The following LRRC4C variants were observed in gnomAD, a reference collection of about 807,000 sequenced individuals.
LRRC4C encodes the protein leucine rich repeat containing 4C, also known as leucine-rich repeat-containing protein 4C.
LRRC4C carries 5 observed loss-of-function variants against 33.6 expected under a neutral mutation model. The ratio of observed to expected loss-of-function variants is 0.15; its 90% confidence interval spans 0.08 to 0.31. The LOEUF is 0.31. Among genes scored for constraint, LRRC4C ranks in the 10% least tolerant of loss-of-function variants. LRRC4C has a pLI of 1.00. For missense variants in LRRC4C, 560 were observed against 796.7 expected (o/e 0.70, Z 3.58); for synonymous variants, 329 against 302.0 (o/e 1.09, Z -0.93).
At chr11:40,200,180 TAAAAAAAAAA>T (rs56269292) in intron 5 of LRRC4C, among the ~76,000 whole-genome samples, 12 of 26,046 alleles carry the variant, frequency 4.6e-4, no homozygotes, top group Admixed American at 7.2e-4. Context: ...CTGTCTCCAC[TAAAAAAAAAA>T]AAAAAAAAAA....
chr11:41,274,194 G>A (rs1428671301), intron 1 of LRRC4C, among the ~76,000 whole-genome samples: 1 of 152,114 alleles, frequency 6.6e-6, no homozygotes, highest in Non-Finnish European at 1.5e-5. Flanking sequence ...AGAACATATA[G>A]GGCTTGGGAG....
chr11:40,946,762 T>C (rs1428404885), intron 1 of LRRC4C, among the ~76,000 whole-genome samples: 1 of 152,068 alleles, frequency 6.6e-6, no homozygotes, highest in Non-Finnish European at 1.5e-5. Context: ...CTTGACCAAT[T>C]AAAACTAATA....
intron 2 of LRRC4C, among the ~76,000 whole-genome samples, chr11:40,680,319 C>T (rs1163518833): frequency 6.6e-6 from 1 of 152,122 alleles, no homozygotes; most frequent in African/African-American, 2.4e-5. Flanking sequence ...GGACTGTGGA[C>T]TGTTTAGTTA....
At chr11:41,381,130 GA>G (rs1953131073) in intron 1 of LRRC4C, among the ~76,000 whole-genome samples, 2 of 152,108 alleles carry the variant, frequency 1.3e-5, no homozygotes, top group Admixed American at 1.3e-4. Flanking sequence ...TTTGTTTGGA[GA>G]AACACACTTC....
chr11:40,216,553 T>A (rs1863992008), intron 5 of LRRC4C, among the ~76,000 whole-genome samples: 1 of 152,134 alleles, frequency 6.6e-6, no homozygotes, highest in Non-Finnish European at 1.5e-5. Flanking sequence ...AACAAGCTAG[T>A]TCTCTTCTAA....
intron 6 of LRRC4C, among the ~76,000 whole-genome samples, chr11:40,118,311 T>C (rs1313498259): frequency 1.3e-5 from 2 of 151,480 alleles, no homozygotes; most frequent in Non-Finnish European, 1.5e-5. Context: ...GTTCTGACAA[T>C]GTGGGAGGTA....
chr11:40,561,239 C>A (rs111835459), intron 3 of LRRC4C, among the ~76,000 whole-genome samples: 2 of 152,176 alleles, frequency 1.3e-5, no homozygotes, highest in African/African-American at 4.8e-5. Context: ...AAACCTGCTA[C>A]CACTCCTTCC....
At chr11:40,281,450 ATCTC>A (rs758476845) in intron 4 of LRRC4C, among the ~76,000 whole-genome samples, 4 of 151,692 alleles carry the variant, frequency 2.6e-5, no homozygotes, top group Non-Finnish European at 4.4e-5. Flanking sequence ...CTCTTTCTCA[ATCTC>A]TCTCTCTCTT....
At chr11:40,556,508 G>A (rs977415195) in intron 3 of LRRC4C, among the ~76,000 whole-genome samples, 4 of 152,184 alleles carry the variant, frequency 2.6e-5, no homozygotes, top group Admixed American at 6.5e-5. Context: ...GACATAAATC[G>A]TGTGTGAAAG....
chr11:40,452,200 A>C (rs1349749264), intron 3 of LRRC4C, among the ~76,000 whole-genome samples: 2 of 152,206 alleles, frequency 1.3e-5, no homozygotes, highest in African/African-American at 2.4e-5. Flanking sequence ...TAAACTAAAG[A>C]GCTTCTGCAC....
At chr11:41,198,397 AAAGT>A (rs1946269765) in intron 1 of LRRC4C, among the ~76,000 whole-genome samples, 3 of 152,070 alleles carry the variant, frequency 2.0e-5, no homozygotes, top group South Asian at 4.1e-4. Context: ...TCAGAAAGTG[AAAGT>A]AAGAAAGTAT....
intron 3 of LRRC4C, among the ~76,000 whole-genome samples, chr11:40,382,364 C>A (rs1948916263): frequency 6.6e-6 from 1 of 150,972 alleles, no homozygotes. Flanking sequence ...TTAAAAAAGT[C>A]ACTTTATTGA....
intron 2 of LRRC4C, among the ~76,000 whole-genome samples, chr11:40,741,690 A>G (rs779809493): frequency 6.9e-4 from 105 of 152,138 alleles, no homozygotes; most frequent in Non-Finnish European, 7.5e-4. Context: ...TCAAAAAATC[A>G]AAATTTTAGC....
At chr11:40,483,087 A>G (rs1392116436) in intron 3 of LRRC4C, among the ~76,000 whole-genome samples, 1 of 152,160 alleles carries the variant, frequency 6.6e-6, no homozygotes, top group African/African-American at 2.4e-5. Context: ...ATACAAGACT[A>G]GGCACAAGGG....
chr11:41,409,382 G>T (rs748709077), intron 1 of LRRC4C, among the ~76,000 whole-genome samples: 32 of 152,182 alleles, frequency 2.1e-4, no homozygotes, highest in Admixed American at 6.5e-5. Flanking sequence ...TGGAATAAAT[G>T]ATAAAGAAAA....
intron 1 of LRRC4C, among the ~76,000 whole-genome samples, chr11:41,190,151 C>A (rs1283738273): frequency 6.6e-6 from 1 of 152,164 alleles, no homozygotes. Flanking sequence ...TGCAAGGACA[C>A]TAGCTTTTTT....
chr11:40,769,405 C>G (rs1014082557), intron 2 of LRRC4C, among the ~76,000 whole-genome samples: 1 of 151,820 alleles, frequency 6.6e-6, no homozygotes, highest in Non-Finnish European at 1.5e-5. Context: ...GCATGGTACC[C>G]AAAGCAATTT....
intron 1 of LRRC4C, among the ~76,000 whole-genome samples, chr11:41,321,841 A>T (rs1254776516): frequency 6.6e-6 from 1 of 152,036 alleles, no homozygotes; most frequent in Non-Finnish European, 1.5e-5. Context: ...CCAAGCCCAC[A>T]TATCTAAACT....
intron 2 of LRRC4C, among the ~76,000 whole-genome samples, chr11:40,749,434 C>A (rs1361708521): frequency 3.2e-5 from 4 of 125,820 alleles, no homozygotes; most frequent in South Asian, 2.6e-4. Flanking sequence ...GATGGAAACA[C>A]AATATACCAA....
Sources: gnomAD v4.1 joint callset for allele counts (sites outside exome capture counted in the v4.1 genomes callset) on GRCh38, gnomAD v4.1.1 for gene constraint, MANE v1.5 for transcripts, NCBI Gene and HGNC (gene_info 2026-07-23, HGNC 2026-07-21) for gene names.